The following ENTREP2 variants were observed in gnomAD, a reference collection of about 807,000 sequenced individuals.
The protein encoded by ENTREP2 is protein ENTREP2.
the ENTREP2 span, chr15:29,381,775 C>T: frequency 1.9e-5 from 29 of 1,551,180 alleles, no homozygotes; most frequent in Non-Finnish European, 2.5e-5. Flanking sequence ...TGCCACTTAC[C>T]ACAAGGGAGA....
the ENTREP2 span, among the ~76,000 whole-genome samples, chr15:29,405,355 C>T: frequency 6.6e-6 from 1 of 151,264 alleles, no homozygotes; most frequent in Admixed American, 6.6e-5. Context: ...CACCATTGCA[C>T]TCCAGCCTGG....
chr15:29,663,702 G>A, the ENTREP2 span, among the ~76,000 whole-genome samples: 2 of 151,970 alleles, frequency 1.3e-5, no homozygotes, highest in Non-Finnish European at 2.9e-5. Context: ...ATCACACCCC[G>A]CGGCCTGTTG....
the ENTREP2 span, among the ~76,000 whole-genome samples, chr15:29,561,849 T>C: frequency 6.6e-6 from 1 of 152,166 alleles, no homozygotes; most frequent in Admixed American, 6.5e-5. Context: ...AGAAACAGGA[T>C]ATTGGCATAA....
the ENTREP2 span, among the ~76,000 whole-genome samples, chr15:29,216,853 TAAAAA>T: frequency 2.6e-5 from 4 of 151,588 alleles, no homozygotes; most frequent in Non-Finnish European, 5.9e-5. Flanking sequence ...AACCATTGTT[TAAAAA>T]AAAGAAAAGA....
At chr15:29,343,117 T>G in the ENTREP2 span, among the ~76,000 whole-genome samples, 2 of 151,996 alleles carry the variant, frequency 1.3e-5, no homozygotes, top group Admixed American at 1.3e-4. Context: ...TACCCCTTTT[T>G]CTCTGAGAAA....
chr15:29,130,882 T>C, the ENTREP2 span, among the ~76,000 whole-genome samples: 1 of 152,212 alleles, frequency 6.6e-6, no homozygotes. Context: ...ATTTGTGGCA[T>C]AGAATTTAAG....
At chr15:29,633,970 A>T in the ENTREP2 span, among the ~76,000 whole-genome samples, 3 of 151,858 alleles carry the variant, frequency 2.0e-5, no homozygotes, top group Non-Finnish European at 4.4e-5. Context: ...GAAAAAGAAA[A>T]AACGGGGTGG....
the ENTREP2 span, among the ~76,000 whole-genome samples, chr15:29,662,252 A>C: frequency 6.6e-6 from 1 of 151,198 alleles, no homozygotes; most frequent in African/African-American, 2.4e-5. Flanking sequence ...AAAGAAAATG[A>C]AATAAAATAC....
the ENTREP2 span, among the ~76,000 whole-genome samples, chr15:29,480,766 G>A: frequency 1.3e-5 from 2 of 152,098 alleles, no homozygotes; most frequent in Non-Finnish European, 2.9e-5. Context: ...CCCATTTCCC[G>A]GGCAACTCTG....
At chr15:29,286,443 C>T in the ENTREP2 span, among the ~76,000 whole-genome samples, 1 of 152,158 alleles carries the variant, frequency 6.6e-6, no homozygotes, top group Non-Finnish European at 1.5e-5. Flanking sequence ...AACGCAATCT[C>T]CCCCCTACAT....
the ENTREP2 span, among the ~76,000 whole-genome samples, chr15:29,440,189 G>A: frequency 6.6e-6 from 1 of 152,124 alleles, no homozygotes; most frequent in South Asian, 2.1e-4. Context: ...AAAAATTGGT[G>A]AAATCCCAAA....
At chr15:29,469,048 G>A in the ENTREP2 span, among the ~76,000 whole-genome samples, 2 of 152,232 alleles carry the variant, frequency 1.3e-5, no homozygotes, top group African/African-American at 2.4e-5. Flanking sequence ...GAGCATCCGA[G>A]GTGGTTCCAC....
the ENTREP2 span, among the ~76,000 whole-genome samples, chr15:29,162,521 G>C: frequency 4.6e-5 from 7 of 152,034 alleles, no homozygotes; most frequent in Non-Finnish European, 8.8e-5. Flanking sequence ...GCTGGGTGAG[G>C]CCTGTGACTG....
the ENTREP2 span, among the ~76,000 whole-genome samples, chr15:29,278,077 T>G: frequency 6.6e-6 from 1 of 152,174 alleles, no homozygotes; most frequent in Non-Finnish European, 1.5e-5. Context: ...GTAGGAGTCC[T>G]GGGGAGCTGG....
the ENTREP2 span, among the ~76,000 whole-genome samples, chr15:29,184,623 G>A: frequency 3.3e-5 from 5 of 152,176 alleles, no homozygotes; most frequent in African/African-American, 1.2e-4. Flanking sequence ...ACTGCGGTTG[G>A]GGTGGTGGTG....
At chr15:29,648,973 T>C in the ENTREP2 span, among the ~76,000 whole-genome samples, 7 of 149,334 alleles carry the variant, frequency 4.7e-5, no homozygotes, top group African/African-American at 1.7e-4. Context: ...CTGTACTAGA[T>C]GATAACCTTT....
chr15:29,550,288 A>C, the ENTREP2 span, among the ~76,000 whole-genome samples: 271 of 152,258 alleles, frequency 1.8e-3, 2 homozygotes, highest in African/African-American at 6.2e-3. Flanking sequence ...AAACAAACCT[A>C]AGGGAAAGCA....
At chr15:29,473,177 C>A in the ENTREP2 span, among the ~76,000 whole-genome samples, 1 of 152,046 alleles carries the variant, frequency 6.6e-6, no homozygotes, top group Non-Finnish European at 1.5e-5. Flanking sequence ...CCCAGCTTCA[C>A]CCTATGACAA....
the ENTREP2 span, among the ~76,000 whole-genome samples, chr15:29,405,871 G>A: frequency 4.1e-4 from 62 of 152,352 alleles, no homozygotes; most frequent in African/African-American, 1.1e-3. Flanking sequence ...GAGGCAGCAC[G>A]GTCCTGAGGG....
Sources: allele counts gnomAD v4.1 joint callset (sites outside exome capture counted in the v4.1 genomes callset), GRCh38; gene constraint gnomAD v4.1.1; transcripts MANE v1.5; gene names NCBI Gene and HGNC (gene_info 2026-07-23, HGNC 2026-07-21).